PHTF2: variants seen among roughly 807,000 people sequenced by gnomAD.
The protein encoded by PHTF2 is protein PHTF2.
A neutral mutation model predicts 101.2 loss-of-function variants in PHTF2; 60 were observed. The observed-to-expected ratio is 0.59, with a 90% CI of 0.48 to 0.73. The LOEUF (loss-of-function observed/expected upper bound fraction) is 0.73. Among genes scored for constraint, PHTF2 ranks in the 30% least tolerant of loss-of-function variants. The pLI, the probability that PHTF2 is intolerant of heterozygous loss-of-function variation, is 0.00. For missense variants in PHTF2, 747 were observed against 908.7 expected (o/e 0.82, Z 2.29); for synonymous variants, 311 against 307.3 (o/e 1.01, Z -0.13).
At chr7:77,854,723 G>T (rs1481283242) in intron 2 of PHTF2, 2 of 707,608 alleles carry the variant, frequency 2.8e-6, no homozygotes, top group African/African-American at 3.5e-5. Flanking sequence ...TTTCTCCTTT[G>T]CTCATGTAGG....
intron 11 of PHTF2, chr7:77,923,429 C>T: frequency 1.0e-6 from 1 of 984,622 alleles, no homozygotes; most frequent in Non-Finnish European, 1.2e-6. Flanking sequence ...GTAATTTTTT[C>T]CTTGATGGTT....
chr7:77,846,841 CT>C (rs1796346043), intron 2 of PHTF2, among the ~76,000 whole-genome samples: 1 of 151,878 alleles, frequency 6.6e-6, no homozygotes, highest in Non-Finnish European at 1.5e-5. Context: ...CTGGGTCTTG[CT>C]CTGTTGCCCA....
chr7:77,876,445 A>T (rs1798949758), intron 3 of PHTF2, among the ~76,000 whole-genome samples: 1 of 152,194 alleles, frequency 6.6e-6, no homozygotes, highest in Non-Finnish European at 1.5e-5. Flanking sequence ...GTGTTGATTA[A>T]TGTCTTAGAT....
intron 1 of PHTF2, among the ~76,000 whole-genome samples, chr7:77,821,347 T>A (rs1007776636): frequency 6.6e-6 from 1 of 152,240 alleles, no homozygotes; most frequent in South Asian, 2.1e-4. Flanking sequence ...TTGAGGTTCA[T>A]TGAGCTTCCC....
chr7:77,943,616 ATAAGTT>A (rs1159492910), intron 16 of PHTF2, among the ~76,000 whole-genome samples: 1 of 152,246 alleles, frequency 6.6e-6, no homozygotes, highest in African/African-American at 2.4e-5. Flanking sequence ...ATATTAAAAA[ATAAGTT>A]TAAACGTATT....
At chr7:77,832,965 A>G (rs1473449932) in intron 1 of PHTF2, among the ~76,000 whole-genome samples, 1 of 152,102 alleles carries the variant, frequency 6.6e-6, no homozygotes, top group African/African-American at 2.4e-5. Flanking sequence ...CAAGTAAGAG[A>G]TAGATAATAA....
chr7:77,901,975 A>G, intron 7 of PHTF2, 55 bp downstream of exon 6: 1 of 1,123,176 alleles, frequency 8.9e-7, no homozygotes, highest in Non-Finnish European at 1.2e-6. Context: ...TGTTAGGTTT[A>G]ATAAGTCTTT....
intron 2 of PHTF2, among the ~76,000 whole-genome samples, chr7:77,850,041 T>A (rs554623548): frequency 6.6e-6 from 1 of 151,930 alleles, no homozygotes; most frequent in Non-Finnish European, 1.5e-5. Context: ...CATTGCCGTG[T>A]TGAATAACAT....
At position 77,885,486 on chromosome 7, in the gene PHTF2, C is replaced by T. The variant is rs547562842; in HGVS notation, c.148-8122C>T. 2.6e-5 allele frequency among the ~76,000 whole-genome samples: 4 copies of T among 152,100 alleles called. No individual in the cohort carries two copies. In the East Asian group the frequency reaches 7.7e-4, roughly 29 times the overall value. The stretch of plus-strand genomic sequence containing the variant: ...TTGACATGGAGTCTTGCTCTGTCAC[C>T]CAGGCTAGAGTGCGGTGGTGGGATC... On this transcript the variant is annotated intron_variant, in intron 3 of 19. Coordinates refer to ENST00000416283, the Ensembl canonical transcript of PHTF2.
intron 1 of PHTF2, among the ~76,000 whole-genome samples, chr7:77,834,548 C>CA (rs1459966230): frequency 6.6e-6 from 1 of 152,140 alleles, no homozygotes; most frequent in Non-Finnish European, 1.5e-5. Context: ...CCTATACTCA[C>CA]GTGTCTGTGC....
intron 7 of PHTF2, among the ~76,000 whole-genome samples, chr7:77,905,318 C>T (rs1035878558): frequency 1.1e-4 from 16 of 150,770 alleles, no homozygotes; most frequent in East Asian, 3.9e-4. Flanking sequence ...CTTGAACTCC[C>T]GGGCACAAAC....
intron 11 of PHTF2, among the ~76,000 whole-genome samples, chr7:77,927,176 A>AT (rs1804104467): frequency 2.2e-5 from 2 of 90,760 alleles, no homozygotes; most frequent in African/African-American, 7.6e-5. Context: ...AAAAAAAAAA[A>AT]AATATATATA....
chr7:77,803,658 T>A (rs1562824771), intron 1 of PHTF2, among the ~76,000 whole-genome samples: 1 of 152,014 alleles, frequency 6.6e-6, no homozygotes, highest in Admixed American at 6.6e-5. Context: ...AAAAAGTGGT[T>A]GTTGCAGTTA....
chr7:77,879,142 C>A (rs979145235), intron 3 of PHTF2, among the ~76,000 whole-genome samples: 49 of 152,188 alleles, frequency 3.2e-4, no homozygotes, highest in African/African-American at 1.2e-3. Flanking sequence ...TCCTTTCAGA[C>A]CATCTCTTAG....
intron 12 of PHTF2, among the ~76,000 whole-genome samples, chr7:77,932,678 A>G (rs1804722201): frequency 6.6e-6 from 1 of 151,572 alleles, no homozygotes; most frequent in Admixed American, 6.6e-5. Flanking sequence ...GAACACATCA[A>G]AACAATCATA....
chr7:77,867,508 C>T (rs949844759), intron 3 of PHTF2, among the ~76,000 whole-genome samples: 1 of 152,134 alleles, frequency 6.6e-6, no homozygotes, highest in African/African-American at 2.4e-5. Flanking sequence ...TAAGTTAATA[C>T]GTGGAAGGGG....
intron 11 of PHTF2, among the ~76,000 whole-genome samples, chr7:77,925,924 C>T (rs1042177532): frequency 2.8e-4 from 42 of 151,960 alleles, no homozygotes; most frequent in African/African-American, 9.4e-4. Flanking sequence ...GCTGTTGTGG[C>T]ACGTGCCTGT....
intron 1 of PHTF2, among the ~76,000 whole-genome samples, chr7:77,820,028 T>TA (rs770543547): frequency 3.9e-5 from 6 of 152,182 alleles, no homozygotes; most frequent in African/African-American, 1.4e-4. Flanking sequence ...TAGCTGGAAT[T>TA]ACAGGCATGC....
chr7:77,949,281 A>G (rs979841197), intron 16 of PHTF2, among the ~76,000 whole-genome samples: 5 of 152,268 alleles, frequency 3.3e-5, no homozygotes, highest in African/African-American at 4.8e-5. Flanking sequence ...AAATTTTAAA[A>G]TATACAAAAA....
Sources: allele counts gnomAD v4.1 joint callset (sites outside exome capture counted in the v4.1 genomes callset), GRCh38; gene constraint gnomAD v4.1.1; transcripts MANE v1.5; gene names NCBI Gene and HGNC (gene_info 2026-07-23, HGNC 2026-07-21).